SLC51B: variants seen among roughly 807,000 people sequenced by gnomAD.
SLC51B encodes SLC51 subunit beta.
A neutral mutation model predicts 8.0 loss-of-function variants in SLC51B; 6 were observed. That is an observed-to-expected ratio of 0.75 (90% confidence interval 0.41 to 1.48). SLC51B has a LOEUF of 1.48. SLC51B is among the 40% of genes most tolerant of loss of function. The pLI is 0.01. For missense variants in SLC51B, 150 were observed against 149.7 expected, an observed-to-expected ratio of 1.00 and a Z score of -0.01; for synonymous variants, 61 against 54.8, an observed-to-expected ratio of 1.11 and a Z score of -0.50.
chr15:65,047,392 A>T (rs2086589897), intron 1 of SLC51B, among the ~76,000 whole-genome samples: 1 of 152,150 alleles, frequency 6.6e-6, no homozygotes, highest in South Asian at 2.1e-4. Context: ...ATATATACAC[A>T]CATTAAAAAT....
At chr15:65,050,223 G>A (rs983214919) in intron 2 of SLC51B, 122 bp downstream of exon 2, 2 of 775,420 alleles carry the variant, frequency 2.6e-6, no homozygotes, top group Non-Finnish European at 4.2e-6. Flanking sequence ...CTCCAAGACA[G>A]GGAATCAGTC....
chr15:65,047,007 C>G (rs1356173712), intron 1 of SLC51B, among the ~76,000 whole-genome samples: 1 of 152,128 alleles, frequency 6.6e-6, no homozygotes, highest in Non-Finnish European at 1.5e-5. Flanking sequence ...AATTAAATAT[C>G]AAAAATTGGA....
chr15:65,052,023 C>A (rs1235315523), intron 3 of SLC51B, among the ~76,000 whole-genome samples: 1 of 152,168 alleles, frequency 6.6e-6, no homozygotes. Flanking sequence ...TGGGTCCCTC[C>A]ACTATGGCCA....
chr15:65,047,347 A>C (rs1032426246), intron 1 of SLC51B, among the ~76,000 whole-genome samples: 3 of 152,164 alleles, frequency 2.0e-5, no homozygotes, highest in South Asian at 4.1e-4. Flanking sequence ...AAAAAAAAAA[A>C]AACATACATA....
chr15:65,048,907 G>A (rs920712793), intron 1 of SLC51B, among the ~76,000 whole-genome samples: 1 of 151,810 alleles, frequency 6.6e-6, no homozygotes, highest in Non-Finnish European at 1.5e-5. Flanking sequence ...CTACTTAGGA[G>A]GCTGAGACAG....
Position 65,050,010 on chromosome 15 carries a change from G to A in SLC51B, c.6G>A (p.Glu2=). The part of the protein sequence containing the change: M[E]HSEGAPGDPA... Reference sequence around the variant, plus strand: ...ACGCTACCAGGAGCAGGGGCATGGAGCACAGTGAGGGGGCTCCCGGAGACC... The same window carrying A: ...ACGCTACCAGGAGCAGGGGCATGGAACACAGTGAGGGGGCTCCCGGAGACC... Residue 2 remains glutamate, a synonymous_variant, in exon 2 of 4, where the codon GAG becomes GAA. Coordinates refer to ENST00000334287, the MANE Select transcript of SLC51B (RefSeq NM_178859.4). The A allele has an allele frequency of 6.4e-7, 1 of 1,551,142 alleles. No homozygotes were observed. The highest frequency in any genetic ancestry group is 8.7e-7 in the Non-Finnish European group (1 of 1,146,676).
At chr15:65,046,116 T>C (rs936850871) in intron 1 of SLC51B, among the ~76,000 whole-genome samples, 1 of 152,024 alleles carries the variant, frequency 6.6e-6, no homozygotes, top group Non-Finnish European at 1.5e-5. Flanking sequence ...GCCTGGCCAA[T>C]GTGGTGAAAT....
At chr15:65,046,366 A>G (rs918596493) in intron 1 of SLC51B, among the ~76,000 whole-genome samples, 2 of 152,148 alleles carry the variant, frequency 1.3e-5, no homozygotes. Context: ...GCTACTTGGG[A>G]GGCTGAGGCA....
chr15:65,051,646 G>C, intron 3 of SLC51B, 41 bp downstream of exon 3: 1 of 1,577,236 alleles, frequency 6.3e-7, no homozygotes, highest in Non-Finnish European at 8.7e-7. Context: ...GTCTCTGTGG[G>C]GTAGAGGCCC....
At chr15:65,048,185 GAAAAAAAAAGA>G (rs148931802) in intron 1 of SLC51B, among the ~76,000 whole-genome samples, 58,082 of 95,118 alleles carry the variant, frequency 0.61, 11,829 homozygotes, top group South Asian at 0.69. Flanking sequence ...CGTCTCAAAA[GAAAAAAAAAGA>G]AAAAAAAAAA....
chr15:65,051,741 T>A, intron 3 of SLC51B, 136 bp downstream of exon 3: 1 of 699,448 alleles, frequency 1.4e-6, no homozygotes, highest in East Asian at 2.8e-5. Context: ...CAGCCTTCAG[T>A]GTCCTTCGAG....
At position 65,053,231 on chromosome 15, in the gene SLC51B, C is replaced by A; in HGVS notation, c.*67C>A. Reference sequence around the variant, plus strand: ...GTGGGCTCAGCTCAGTGGCCTGAAACCTCTCAGGTTTTAGAGTCTCTCCCA... The same window carrying A: ...GTGGGCTCAGCTCAGTGGCCTGAAAACTCTCAGGTTTTAGAGTCTCTCCCA... On this transcript the variant is annotated 3_prime_UTR_variant, in exon 4 of 4. Transcript: ENST00000334287. 6.4e-7 allele frequency: 1 copy of A among 1,563,510 alleles called. No homozygotes were observed. Among genetic ancestry groups the A allele is most frequent in the Non-Finnish European group, 8.6e-7 (1 of 1,159,716 alleles).
At position 65,053,106 on chromosome 15, in the gene SLC51B, T is replaced by C. The variant is rs142436732; in HGVS notation, c.329T>C (p.Leu110Ser). The C allele has an allele frequency of 2.6e-4, 427 of 1,613,982 alleles. No homozygotes were observed. The highest frequency in any genetic ancestry group is 3.4e-4 in the Non-Finnish European group (405 of 1,180,030). Residue 110 changes from leucine (L) to serine (S), a missense_variant, in exon 4 of 4, where the codon TTA becomes TCA. Coordinates refer to ENST00000334287, the MANE Select transcript of SLC51B (RefSeq NM_178859.4). The part of the protein sequence containing the change: ...KPNLAQVELE[L>S]KERDVLSVFL... ...AACTTGGCCCAGGTGGAACTTGAGT[T>C]AAAAGAGAGAGATGTGCTGTCAGTT... is the stretch of plus-strand genomic sequence containing the variant.
At chr15:65,049,245 C>T (rs1013168454) in intron 1 of SLC51B, 4 of 149,556 alleles carry the variant, frequency 2.7e-5, no homozygotes, top group African/African-American at 5.0e-5. Context: ...AATAGGCCTA[C>T]ACGAAGTAAG....
intron 3 of SLC51B, among the ~76,000 whole-genome samples, chr15:65,052,611 G>T (rs2086668596): frequency 6.6e-6 from 1 of 151,976 alleles, no homozygotes; most frequent in South Asian, 2.1e-4. Flanking sequence ...TGGCCAGACT[G>T]GTCTCAAACA....
chr15:65,047,440 C>G (rs527365907), intron 1 of SLC51B, among the ~76,000 whole-genome samples: 2 of 151,928 alleles, frequency 1.3e-5, no homozygotes, highest in Non-Finnish European at 2.9e-5. Flanking sequence ...GCAGTGTATA[C>G]GCATAAGAAA....
At chr15:65,047,094 C>A (rs552982788) in intron 1 of SLC51B, among the ~76,000 whole-genome samples, 37 of 152,072 alleles carry the variant, frequency 2.4e-4, no homozygotes, top group Middle Eastern at 3.4e-3. Context: ...CAGTGGCTCA[C>A]ACCTGTAATC....
chr15:65,051,438 C>G, intron 2 of SLC51B, 77 bp from the exon 3 acceptor site: 1 of 1,399,500 alleles, frequency 7.1e-7, no homozygotes, highest in Non-Finnish European at 1.0e-6. Context: ...TGGGTCTGAG[C>G]CCAGGCCCCA....
At chr15:65,050,150 C>T in intron 2 of SLC51B, 49 bp downstream of exon 2, 1 of 1,470,912 alleles carries the variant, frequency 6.8e-7, no homozygotes, top group Non-Finnish European at 9.3e-7. Flanking sequence ...CCCCTCAACA[C>T]AGAGCAGAGT....
Sources: allele counts gnomAD v4.1 joint callset (sites outside exome capture counted in the v4.1 genomes callset), GRCh38; gene constraint gnomAD v4.1.1; transcripts MANE v1.5; gene names NCBI Gene and HGNC (gene_info 2026-07-23, HGNC 2026-07-21).